The following COQ10B variants were observed in gnomAD, a reference collection of about 807,000 sequenced individuals.
COQ10B encodes coenzyme Q-binding protein COQ10 homolog B, mitochondrial.
COQ10B carries 12 observed loss-of-function variants against 27.6 expected under a neutral mutation model. The observed-to-expected ratio is 0.43, with a 90% confidence interval of 0.28 to 0.70. The LOEUF (loss-of-function observed/expected upper bound fraction) is 0.70, where lower values mean the gene tolerates loss of function less well. Among genes scored for constraint, COQ10B ranks in the 30% least tolerant of loss-of-function variants. The pLI, the probability that COQ10B is intolerant of heterozygous loss-of-function variation, is 0.17. For synonymous variants in COQ10B, 115 were observed against 103.0 expected, an observed-to-expected ratio of 1.12 and a Z score of -0.71; for missense variants, 278 against 288.7, an observed-to-expected ratio of 0.96 and a Z score of 0.27.
chr2:197,471,798 C>T (rs1411655971), intron 4 of COQ10B, among the ~76,000 whole-genome samples: 2 of 151,750 alleles, frequency 1.3e-5, no homozygotes, highest in African/African-American at 4.8e-5. Flanking sequence ...AAAAATTAGC[C>T]GGGTGTGGTG....
intron 1 of COQ10B, chr2:197,454,008 AG>A: frequency 6.4e-7 from 1 of 1,551,214 alleles, no homozygotes; most frequent in Non-Finnish European, 8.7e-7. Flanking sequence ...TTTGCGCAGA[AG>A]GGTTGCCGGC....
In COQ10B at chr2:197,462,851, T is replaced by A. The variant is rs1457574491; in HGVS notation, c.447+120T>A. The stretch of plus-strand genomic sequence containing the variant: ...ACCTAACAGGAGGAGGGTAAAAAAT[T>A]TATTATATCTCCTAACTGTGTTACT... On this transcript the variant is annotated intron_variant, in intron 3 of 4. Coordinates refer to ENST00000263960, the MANE Select transcript of COQ10B (RefSeq NM_025147.5). 9 of 561,324 alleles carry A rather than the reference T, an allele frequency of 1.6e-5. No individual in the cohort carries two copies. The East Asian group carries it at 2.9e-4, about 18-fold the overall frequency. 34.8% of individuals were successfully genotyped at this position (561,324 alleles called of 1,614,324 possible).
chr2:197,467,162 G>A (rs544712866), intron 3 of COQ10B, among the ~76,000 whole-genome samples: 1 of 152,194 alleles, frequency 6.6e-6, no homozygotes, highest in South Asian at 2.1e-4. Flanking sequence ...GGCCAGGCTG[G>A]TCTCAAACTC....
intron 3 of COQ10B, among the ~76,000 whole-genome samples, chr2:197,463,296 AC>A (rs36073010): frequency 0.43 from 65,890 of 151,518 alleles, 14,703 homozygotes; most frequent in South Asian, 0.56. Context: ...ACATGGTGAA[AC>A]CCCGTCTCTA....
rs2085773140 is a variant in COQ10B at position 197,462,581 on chromosome 2, G to A, written c.297G>A (p.Glu99=). ...TGTATGATGTAGTATCGGGAGTGGA[G>A]GATTACAAGCATTTTGTTCCTTGGT... is the stretch of plus-strand genomic sequence containing the variant. The part of the protein sequence containing the change: ...QEMYDVVSGV[E]DYKHFVPWCK... Residue 99 remains glutamate, a synonymous_variant, in exon 3 of 5, where the codon GAG becomes GAA. Coordinates refer to ENST00000263960, the MANE Select transcript of COQ10B (RefSeq NM_025147.5). The A allele has an allele frequency of 6.3e-7, 1 of 1,593,738 alleles. No individual in the cohort carries two copies. Among genetic ancestry groups the A allele is most frequent in the Non-Finnish European group, 8.6e-7 (1 of 1,166,482 alleles).
chr2:197,473,496 GTA>G (rs1163873512), intron 4 of COQ10B, among the ~76,000 whole-genome samples: 1 of 101,454 alleles, frequency 9.9e-6, no homozygotes, highest in Non-Finnish European at 1.9e-5. Flanking sequence ...ATGTATATAC[GTA>G]TATATATACG....
intron 1 of COQ10B, among the ~76,000 whole-genome samples, chr2:197,458,614 C>T (rs1283805919): frequency 6.6e-6 from 1 of 151,882 alleles, no homozygotes; most frequent in Admixed American, 6.6e-5. Flanking sequence ...TTATCCTGGC[C>T]AGCAATGACT....
intron 4 of COQ10B, among the ~76,000 whole-genome samples, chr2:197,471,819 G>A (rs1184601562): frequency 6.6e-6 from 1 of 151,904 alleles, no homozygotes; most frequent in Non-Finnish European, 1.5e-5. Flanking sequence ...GTGCATGCCT[G>A]TAGTCCTAGC....
At chr2:197,470,486 G>A (rs903147637) in intron 4 of COQ10B, among the ~76,000 whole-genome samples, 20 of 152,186 alleles carry the variant, frequency 1.3e-4, no homozygotes, top group African/African-American at 4.3e-4. Context: ...CAGGCTAGGT[G>A]CAGTAGCCCA....
chr2:197,460,452 A>C (rs188279529), intron 2 of COQ10B, among the ~76,000 whole-genome samples: 1 of 152,176 alleles, frequency 6.6e-6, no homozygotes, highest in East Asian at 1.9e-4. Context: ...TGGCCTCCCA[A>C]AGTGCTGGGA....
intron 4 of COQ10B, among the ~76,000 whole-genome samples, chr2:197,473,413 A>AT (rs1272008900): frequency 9.4e-4 from 55 of 58,606 alleles, no homozygotes; most frequent in Admixed American, 2.2e-3. Context: ...AAAAAAAAAA[A>AT]AAATATATAT....
At chr2:197,454,161 C>G (rs1314413534) in intron 1 of COQ10B, 5 of 1,535,256 alleles carry the variant, frequency 3.3e-6, no homozygotes, top group Non-Finnish European at 1.8e-6. Context: ...CTAAATACAG[C>G]CAGCATAAGG....
chr2:197,464,215 G>A (rs2085799985), intron 3 of COQ10B, among the ~76,000 whole-genome samples: 1 of 151,266 alleles, frequency 6.6e-6, no homozygotes, highest in Non-Finnish European at 1.5e-5. Flanking sequence ...ATGTAGAAAA[G>A]GGTACCGACC....
chr2:197,472,927 G>A (rs979622625), intron 4 of COQ10B, among the ~76,000 whole-genome samples: 11 of 152,080 alleles, frequency 7.2e-5, no homozygotes, highest in African/African-American at 2.7e-4. Flanking sequence ...ATACCTATGA[G>A]AAGGATCACT....
chr2:197,453,578 T>C lies in COQ10B; in HGVS notation c.18T>C (p.Gly6=), dbSNP rs759291019. Residue 6 remains glycine, a synonymous_variant, in exon 1 of 5, where the codon GGT becomes GGC. Transcript: ENST00000263960. ...AGTCTATCATGGCAGCTCGGACTGG[T>C]CATACGGCCTTGAGAAGGGTAGTCT... The part of the protein sequence containing the change: MAART[G]HTALRRVVSG... 1.2e-6 allele frequency: 2 copies of C among 1,613,670 alleles called. No homozygotes were observed. The highest frequency in any genetic ancestry group is 4.5e-5 in the East Asian group (2 of 44,866).
intron 1 of COQ10B, 120 bp downstream of exon 1, chr2:197,453,784 A>C: frequency 9.5e-7 from 1 of 1,054,816 alleles, no homozygotes. Context: ...GTGTCTTTAG[A>C]GGAGAAGGCT....
intron 4 of COQ10B, among the ~76,000 whole-genome samples, chr2:197,473,187 C>T (rs560020933): frequency 6.6e-6 from 1 of 151,846 alleles, no homozygotes; most frequent in South Asian, 2.1e-4. Flanking sequence ...CTACATACAT[C>T]CACACAATTC....
chr2:197,459,101 A>G (rs1391560406), intron 1 of COQ10B, among the ~76,000 whole-genome samples: 1 of 152,224 alleles, frequency 6.6e-6, no homozygotes, highest in Non-Finnish European at 1.5e-5. Flanking sequence ...ATGTTTTTAC[A>G]TATATGCATT....
chr2:197,462,774 TA>T, intron 3 of COQ10B, 43 bp downstream of exon 3: 2 of 1,198,432 alleles, frequency 1.7e-6, no homozygotes, highest in African/African-American at 1.6e-5. Flanking sequence ...TTCTTCCATA[TA>T]TTAACTTTGT....
Sources: allele counts gnomAD v4.1 joint callset (sites outside exome capture counted in the v4.1 genomes callset), GRCh38; gene constraint gnomAD v4.1.1; transcripts MANE v1.5; gene names NCBI Gene and HGNC (gene_info 2026-07-23, HGNC 2026-07-21).